The following CAMK1D variants were observed in gnomAD, a reference collection of about 807,000 sequenced individuals.
CAMK1D encodes calcium/calmodulin dependent protein kinase ID.
CAMK1D carries 9 observed loss-of-function variants against 47.7 expected under a neutral mutation model. The ratio of observed to expected loss-of-function variants is 0.19; its 90% CI spans 0.11 to 0.33. CAMK1D has a LOEUF of 0.33. Ranked by LOEUF, CAMK1D falls within the 10% of genes least tolerant of loss-of-function variation. The pLI is 1.00. For missense variants in CAMK1D, 291 were observed against 488.7 expected (o/e 0.60, Z 3.81); for synonymous variants, 184 against 184.9 (o/e 0.99, Z 0.04).
intron 1 of CAMK1D, among the ~76,000 whole-genome samples, chr10:12,505,865 C>T (rs1834854517): frequency 6.6e-6 from 1 of 151,828 alleles, no homozygotes; most frequent in Non-Finnish European, 1.5e-5. Context: ...CATCTTCCTC[C>T]TCCTCCTCCT....
chr10:12,706,355 AG>A (rs1464556889), intron 3 of CAMK1D, among the ~76,000 whole-genome samples: 1 of 152,204 alleles, frequency 6.6e-6, no homozygotes, highest in Non-Finnish European at 1.5e-5. Context: ...ACTGAGGCTA[AG>A]GGGGCTACCG....
intron 2 of CAMK1D, among the ~76,000 whole-genome samples, chr10:12,582,994 T>C (rs1837707251): frequency 1.3e-5 from 2 of 152,154 alleles, no homozygotes; most frequent in Admixed American, 6.5e-5. Flanking sequence ...TCCCAGCACT[T>C]TGAGAGGCCA....
chr10:12,772,485 G>A (rs573370064), intron 5 of CAMK1D, among the ~76,000 whole-genome samples: 2 of 152,274 alleles, frequency 1.3e-5, no homozygotes, highest in South Asian at 2.1e-4. Context: ...TACGCATCAC[G>A]TGCTTCTCAT....
chr10:12,445,157 A>G (rs1832891071), intron 1 of CAMK1D, among the ~76,000 whole-genome samples: 1 of 152,186 alleles, frequency 6.6e-6, no homozygotes, highest in Non-Finnish European at 1.5e-5. Flanking sequence ...ATGTTAATGC[A>G]TGCCGGCCAG....
chr10:12,703,994 G>C (rs968195970), intron 3 of CAMK1D, among the ~76,000 whole-genome samples: 2 of 152,120 alleles, frequency 1.3e-5, no homozygotes, highest in African/African-American at 4.8e-5. Flanking sequence ...TTGCATACTT[G>C]AGTCACTCTT....
At chr10:12,766,857 A>G (rs779337287) in intron 4 of CAMK1D, among the ~76,000 whole-genome samples, 11 of 152,066 alleles carry the variant, frequency 7.2e-5, no homozygotes, top group Non-Finnish European at 1.5e-4. Context: ...CAGGGGTGGG[A>G]TAGACAAGGC....
intron 1 of CAMK1D, among the ~76,000 whole-genome samples, chr10:12,368,205 A>AT (rs146005682): frequency 0.34 from 50,224 of 148,616 alleles, 8,607 homozygotes; most frequent in Middle Eastern, 0.39. Flanking sequence ...TCTCAAAAAA[A>AT]AAAAAAAAAT....
At chr10:12,365,659 C>T (rs557331944) in intron 1 of CAMK1D, among the ~76,000 whole-genome samples, 1 of 151,730 alleles carries the variant, frequency 6.6e-6, no homozygotes, top group Non-Finnish European at 1.5e-5. Flanking sequence ...AGGATGGTCT[C>T]GATCTGCTGA....
At chr10:12,617,055 A>G (rs942285720) in intron 2 of CAMK1D, among the ~76,000 whole-genome samples, 2 of 152,166 alleles carry the variant, frequency 1.3e-5, no homozygotes, top group Non-Finnish European at 2.9e-5. Context: ...CTAATCAACT[A>G]AGCACTTGAC....
intron 1 of CAMK1D, among the ~76,000 whole-genome samples, chr10:12,353,300 G>C (rs1564289126): frequency 6.6e-6 from 1 of 152,174 alleles, no homozygotes; most frequent in Admixed American, 6.5e-5. Flanking sequence ...ACGTCTTTAA[G>C]ATACGAAGGC....
intron 1 of CAMK1D, chr10:12,456,525 C>G (rs146536958): frequency 6.6e-6 from 1 of 152,238 alleles, no homozygotes; most frequent in African/African-American, 2.4e-5. Flanking sequence ...GTCCCCGTGA[C>G]AAGAATGGAA....
intron 1 of CAMK1D, among the ~76,000 whole-genome samples, chr10:12,481,881 T>C (rs184062170): frequency 1.5e-4 from 23 of 152,304 alleles, no homozygotes; most frequent in Admixed American, 9.1e-4. Context: ...GAAGAACCCA[T>C]TGGGCAATTA....
intron 2 of CAMK1D, among the ~76,000 whole-genome samples, chr10:12,554,070 G>A (rs1453841514): frequency 6.6e-6 from 1 of 151,950 alleles, no homozygotes; most frequent in Non-Finnish European, 1.5e-5. Flanking sequence ...TGCTCACTGT[G>A]TGTAATAGAA....
rs10047304 is a variant in CAMK1D at position 12,830,572 on chromosome 10, C to A, written c.*1685C>A. ...AAAACCAGGAATATCCGGGGCAAAGCAGGCTGTGTTGTTCGCCTTTGTGGA... is the reference window on the plus strand; with the variant it reads ...AAAACCAGGAATATCCGGGGCAAAGAAGGCTGTGTTGTTCGCCTTTGTGGA... On this transcript the variant is annotated 3_prime_UTR_variant, in exon 11 of 11. Coordinates refer to ENST00000619168, the MANE Select transcript of CAMK1D (RefSeq NM_153498.4). 4,822 of 152,318 alleles carry A rather than the reference C, an allele frequency of 0.032. 259 individuals are homozygous for A. Among genetic ancestry groups the A allele is most frequent in the African/African-American group, 0.11 (4,546 of 41,542 alleles). The allele number at this position is 152,318 out of a possible 1,614,324, so 9.4% of individuals were successfully genotyped here.
intron 1 of CAMK1D, among the ~76,000 whole-genome samples, chr10:12,414,037 C>T (rs1477708543): frequency 6.6e-6 from 1 of 152,172 alleles, no homozygotes; most frequent in Non-Finnish European, 1.5e-5. Context: ...ACTGACCTTA[C>T]TTGAAAAATT....
intron 1 of CAMK1D, among the ~76,000 whole-genome samples, chr10:12,521,048 C>A (rs11528712): frequency 0.53 from 79,178 of 150,262 alleles, 21,178 homozygotes; most frequent in South Asian, 0.69. Flanking sequence ...TATCAGTTTT[C>A]TATATCTTTT....
intron 1 of CAMK1D, among the ~76,000 whole-genome samples, chr10:12,409,207 C>T (rs114628957): frequency 0.013 from 1,952 of 152,226 alleles, 26 homozygotes; most frequent in African/African-American, 0.04. Context: ...TTTATCCCCT[C>T]GTTCTGTAAT....
intron 1 of CAMK1D, among the ~76,000 whole-genome samples, chr10:12,516,015 T>C (rs1588577354): frequency 6.6e-6 from 1 of 152,176 alleles, no homozygotes; most frequent in East Asian, 1.9e-4. Flanking sequence ...GTATCAACAG[T>C]CTGTTCCTTT....
chr10:12,391,976 A>AACACACAC (rs10659393), intron 1 of CAMK1D, among the ~76,000 whole-genome samples: 2,108 of 143,192 alleles, frequency 0.015, 20 homozygotes, highest in African/African-American at 0.024. Context: ...CTTGTCTTAA[A>AACACACAC]ACACACACAC....
Sources: allele counts gnomAD v4.1 joint callset (sites outside exome capture counted in the v4.1 genomes callset), GRCh38; gene constraint gnomAD v4.1.1; transcripts MANE v1.5; gene names NCBI Gene and HGNC (gene_info 2026-07-23, HGNC 2026-07-21).